The following ARL15 variants were observed in gnomAD, a reference collection of about 807,000 sequenced individuals.
The protein encoded by ARL15 is ADP-ribosylation factor-like protein 15.
ARL15 carries 19 observed loss-of-function variants against 25.2 expected under a neutral mutation model. That is an observed-to-expected ratio of 0.75 (90% CI 0.53 to 1.10). The LOEUF (loss-of-function observed/expected upper bound fraction) is 1.10. Ranked by LOEUF, ARL15 falls within the 50% of genes least tolerant of loss-of-function variation. The pLI is 0.00. For missense variants in ARL15, 220 were observed against 246.0 expected, an observed-to-expected ratio of 0.89 and a Z score of 0.71; for synonymous variants, 94 against 86.8, an observed-to-expected ratio of 1.08 and a Z score of -0.46.
At chr5:54,124,362 C>T (rs1269134249) in intron 3 of ARL15, among the ~76,000 whole-genome samples, 1 of 152,126 alleles carries the variant, frequency 6.6e-6, no homozygotes, top group Non-Finnish European at 1.5e-5. Context: ...GGATCAACGT[C>T]CATTTTTTAA....
At chr5:53,905,313 G>A (rs774059051) in intron 4 of ARL15, among the ~76,000 whole-genome samples, 3 of 151,914 alleles carry the variant, frequency 2.0e-5, no homozygotes, top group African/African-American at 7.3e-5. Context: ...TCAAACCCAC[G>A]CTCATGTGCA....
intron 4 of ARL15, among the ~76,000 whole-genome samples, chr5:53,973,561 T>G (rs1218352438): frequency 2.5e-5 from 3 of 121,196 alleles, no homozygotes; most frequent in African/African-American, 3.1e-5. Flanking sequence ...GCAACAAGAG[T>G]GAAACTTCAT....
chr5:53,897,347 G>A (rs549753539), intron 4 of ARL15, among the ~76,000 whole-genome samples: 9 of 152,234 alleles, frequency 5.9e-5, no homozygotes, highest in African/African-American at 2.2e-4. Context: ...TGTAATATGT[G>A]GTCTTTTGTG....
chr5:54,288,689 G>T (rs1758244377), intron 1 of ARL15, among the ~76,000 whole-genome samples: 1 of 152,208 alleles, frequency 6.6e-6, no homozygotes, highest in African/African-American at 2.4e-5. Context: ...AATCATAAAA[G>T]TCTGACTACC....
intron 1 of ARL15, among the ~76,000 whole-genome samples, chr5:54,295,421 TA>T (rs962328860): frequency 7.9e-5 from 12 of 151,858 alleles, no homozygotes; most frequent in African/African-American, 2.9e-4. Context: ...ACAGAAATAA[TA>T]AATAGGGGCT....
chr5:54,051,956 T>C (rs1750713198), intron 4 of ARL15, among the ~76,000 whole-genome samples: 1 of 152,194 alleles, frequency 6.6e-6, no homozygotes, highest in African/African-American at 2.4e-5. Context: ...ATATTATTCA[T>C]TGATAAAAAG....
intron 3 of ARL15, among the ~76,000 whole-genome samples, chr5:54,139,170 C>T (rs548445564): frequency 2.2e-4 from 33 of 152,202 alleles, no homozygotes; most frequent in Admixed American, 9.8e-4. Flanking sequence ...TAGGTATCTA[C>T]CTAAAAGAAA....
chr5:54,074,775 C>T (rs929145345), intron 4 of ARL15, among the ~76,000 whole-genome samples: 5 of 151,792 alleles, frequency 3.3e-5, no homozygotes, highest in Non-Finnish European at 5.9e-5. Flanking sequence ...GACTCTGAAG[C>T]TTAATTTTTA....
At chr5:53,916,062 G>C (rs1745637258) in intron 4 of ARL15, among the ~76,000 whole-genome samples, 1 of 152,008 alleles carries the variant, frequency 6.6e-6, no homozygotes, top group Admixed American at 6.6e-5. Flanking sequence ...ACACACTATT[G>C]CACCTGGCTT....
In ARL15 at chr5:54,191,111, G is replaced by A. The variant is rs78621844; in HGVS notation, c.49-19183C>T. On this transcript the variant is annotated intron_variant, in intron 1 of 4. Transcript: ENST00000504924. ...CAAAATGTGATATATACATATAATCGATTACTATTTAGCTATAAAAAGGAA... is the reference window on the plus strand; with the variant it reads ...CAAAATGTGATATATACATATAATCAATTACTATTTAGCTATAAAAAGGAA... 2.0e-4 allele frequency among the ~76,000 whole-genome samples: 30 copies of A among 152,076 alleles called. No individual in the cohort carries two copies. In the East Asian group the frequency reaches 5.6e-3, roughly 28 times the overall value.
chr5:54,309,517 T>C (rs1758842749), intron 1 of ARL15, among the ~76,000 whole-genome samples: 1 of 152,204 alleles, frequency 6.6e-6, no homozygotes, highest in Non-Finnish European at 1.5e-5. Flanking sequence ...GGTCAATGTT[T>C]CTAACCGTCT....
At chr5:53,994,378 C>T (rs1216480270) in intron 4 of ARL15, among the ~76,000 whole-genome samples, 2 of 152,046 alleles carry the variant, frequency 1.3e-5, no homozygotes, top group African/African-American at 4.8e-5. Flanking sequence ...CCTAACAAAC[C>T]GAGTGTTTCA....
intron 3 of ARL15, among the ~76,000 whole-genome samples, chr5:54,147,528 T>C (rs1753947238): frequency 1.3e-5 from 2 of 152,202 alleles, no homozygotes; most frequent in African/African-American, 4.8e-5. Flanking sequence ...TAGAATTATA[T>C]AATAAATACA....
At chr5:54,157,480 C>T (rs567618471) in intron 2 of ARL15, among the ~76,000 whole-genome samples, 14 of 152,212 alleles carry the variant, frequency 9.2e-5, no homozygotes, top group Non-Finnish European at 1.3e-4. Context: ...GGCGTGGTCT[C>T]GGCTCACTGC....
intron 4 of ARL15, among the ~76,000 whole-genome samples, chr5:53,902,474 G>C (rs1416967224): frequency 1.3e-5 from 2 of 152,222 alleles, no homozygotes; most frequent in Non-Finnish European, 2.9e-5. Flanking sequence ...TTTGGCTTTT[G>C]TAATGGAATA....
intron 4 of ARL15, among the ~76,000 whole-genome samples, chr5:53,945,700 G>T (rs906843364): frequency 2.0e-5 from 3 of 152,128 alleles, no homozygotes; most frequent in African/African-American, 7.2e-5. Context: ...TAAAATTCCC[G>T]ACTGCAGAAA....
chr5:54,257,047 C>G (rs1757388924), intron 1 of ARL15, among the ~76,000 whole-genome samples: 1 of 152,198 alleles, frequency 6.6e-6, no homozygotes, highest in Non-Finnish European at 1.5e-5. Context: ...AGGATGCTCA[C>G]TTTCACCACT....
chr5:54,294,791 G>A (rs938491479), intron 1 of ARL15, among the ~76,000 whole-genome samples: 7 of 152,324 alleles, frequency 4.6e-5, no homozygotes, highest in Non-Finnish European at 8.8e-5. Flanking sequence ...TGTTACTGTT[G>A]CTACTGCTTA....
chr5:54,121,667 G>A (rs1463213517), intron 3 of ARL15, among the ~76,000 whole-genome samples: 1 of 152,078 alleles, frequency 6.6e-6, no homozygotes, highest in African/African-American at 2.4e-5. Flanking sequence ...TCAGGAGTGA[G>A]ATTCAGCCCT....
Sources: gnomAD v4.1 joint callset for allele counts (sites outside exome capture counted in the v4.1 genomes callset) on GRCh38, gnomAD v4.1.1 for gene constraint, MANE v1.5 for transcripts, NCBI Gene and HGNC (gene_info 2026-07-23, HGNC 2026-07-21) for gene names.